The following MIB1 variants were observed in gnomAD, a reference collection of about 807,000 sequenced individuals.
MIB1 encodes E3 ubiquitin-protein ligase MIB1.
Under a neutral mutation model 124.5 loss-of-function variants are expected in MIB1, and 278 were observed. The observed-to-expected ratio is 2.23, with a 90% CI of 2.02 to 2.47. MIB1 has a LOEUF of 2.47. Among genes scored for constraint, MIB1 ranks in the 30% most tolerant of loss-of-function variants. The pLI, the probability that MIB1 is intolerant of heterozygous loss-of-function variation, is 0.00. For missense variants in MIB1, 957 were observed against 1,254.4 expected (o/e 0.76, Z 3.58); for synonymous variants, 446 against 429.4 (o/e 1.04, Z -0.48).
chr18:21,706,498 T>G (rs898154244), intron 1 of MIB1, among the ~76,000 whole-genome samples: 1 of 152,112 alleles, frequency 6.6e-6, no homozygotes, highest in African/African-American at 2.4e-5. Context: ...TCCCTCTGCT[T>G]GCAGGGAGGT....
intron 1 of MIB1, among the ~76,000 whole-genome samples, chr18:21,711,795 G>T (rs2040666919): frequency 6.6e-6 from 1 of 152,160 alleles, no homozygotes; most frequent in South Asian, 2.1e-4. Flanking sequence ...CCAGGCTCAA[G>T]TCATCCTCCT....
intron 1 of MIB1, among the ~76,000 whole-genome samples, chr18:21,708,836 A>G (rs1019139372): frequency 1.3e-5 from 2 of 152,182 alleles, no homozygotes; most frequent in African/African-American, 4.8e-5. Flanking sequence ...GTTACATTAC[A>G]AAAAGTGTGG....
chr18:21,844,143 A>C lies in MIB1; in HGVS notation c.2101A>C (p.Thr701Pro), dbSNP rs1320650111. Residue 701 changes from threonine to proline, a missense_variant, in exon 15 of 21, where the codon ACT becomes CCT. Physicochemically the swap from Thr to Pro is conservative, Grantham distance 38. Transcript: ENST00000261537. ...KLDIQDKDGD[T>P]PLHEALRHHT... The stretch of plus-strand genomic sequence containing the variant: ...TGATATTCAGGATAAGGATGGGGAT[A>C]CTCCTTTGCATGAAGCTCTAAGGCA... The C allele has an allele frequency of 2.5e-6, 4 of 1,613,654 alleles. No homozygotes were observed. The highest frequency in any genetic ancestry group is 1.3e-5 in the African/African-American group (1 of 74,794).
At chr18:21,841,205 A>T (rs2042085931) in intron 13 of MIB1, among the ~76,000 whole-genome samples, 1 of 152,160 alleles carries the variant, frequency 6.6e-6, no homozygotes, top group Non-Finnish European at 1.5e-5. Context: ...TTCTCTACTA[A>T]AAATGCAAAA....
At chr18:21,839,704 G>A (rs1407799316) in intron 13 of MIB1, among the ~76,000 whole-genome samples, 1 of 152,074 alleles carries the variant, frequency 6.6e-6, no homozygotes, top group Non-Finnish European at 1.5e-5. Flanking sequence ...GTCTCACTAT[G>A]TTGCCGAAGC....
Position 21,864,844 on chromosome 18 carries a change from G to A in MIB1, c.*178G>A. 2.3e-6 allele frequency: 1 copy of A among 426,742 alleles called. No individual in the cohort carries two copies. The highest frequency in any genetic ancestry group is 4.1e-6 in the Non-Finnish European group (1 of 245,458). The allele number at this position is 426,742 out of a possible 1,614,324, so 26.4% of individuals were successfully genotyped here. On this transcript the variant is annotated 3_prime_UTR_variant, in exon 21 of 21. Coordinates refer to ENST00000261537, the MANE Select transcript of MIB1 (RefSeq NM_020774.4). ...ACCCTACAAAATGGTGTTGGAAATTGTGTTTTTTGTTTTTGTTTTAAATTT... is the reference window on the plus strand; with the variant it reads ...ACCCTACAAAATGGTGTTGGAAATTATGTTTTTTGTTTTTGTTTTAAATTT...
intron 10 of MIB1, among the ~76,000 whole-genome samples, chr18:21,806,724 C>T (rs899446240): frequency 6.6e-6 from 1 of 151,392 alleles, no homozygotes; most frequent in South Asian, 2.1e-4. Flanking sequence ...CCCGGGTTCA[C>T]GCCATTCTCC....
At chr18:21,800,132 G>C (rs2041634713) in intron 9 of MIB1, among the ~76,000 whole-genome samples, 158 bp downstream of exon 9, 1 of 151,914 alleles carries the variant, frequency 6.6e-6, no homozygotes, top group African/African-American at 2.4e-5. Flanking sequence ...ACATTCTTCA[G>C]TGTGCATTTC....
chr18:21,750,743 C>T (rs752361539), intron 1 of MIB1, among the ~76,000 whole-genome samples: 6 of 152,186 alleles, frequency 3.9e-5, no homozygotes, highest in Non-Finnish European at 7.3e-5. Flanking sequence ...CGATTACAGG[C>T]GTGAGCCACT....
chr18:21,843,859 A>T (rs1222772279), intron 14 of MIB1, among the ~76,000 whole-genome samples: 1 of 152,186 alleles, frequency 6.6e-6, no homozygotes, highest in Non-Finnish European at 1.5e-5. Flanking sequence ...CAACATATTG[A>T]TTCTCATATA....
At chr18:21,732,975 A>T (rs1268284687) in intron 1 of MIB1, among the ~76,000 whole-genome samples, 1 of 152,164 alleles carries the variant, frequency 6.6e-6, no homozygotes, top group African/African-American at 2.4e-5. Context: ...TCCCTCCAGC[A>T]TCTCAAAAAA....
intron 1 of MIB1, among the ~76,000 whole-genome samples, chr18:21,728,363 G>T (rs2040752313): frequency 6.6e-6 from 1 of 152,006 alleles, no homozygotes; most frequent in South Asian, 2.1e-4. Context: ...CATGGTTGTG[G>T]GCACCTGTAA....
chr18:21,812,929 T>A (rs936418806), intron 10 of MIB1, among the ~76,000 whole-genome samples: 13 of 152,210 alleles, frequency 8.5e-5, no homozygotes, highest in Non-Finnish European at 1.8e-4. Flanking sequence ...GTTAAGATTT[T>A]ATTATAACTG....
intron 8 of MIB1, among the ~76,000 whole-genome samples, chr18:21,798,659 C>G (rs1190680408): frequency 6.6e-6 from 1 of 151,378 alleles, no homozygotes; most frequent in Non-Finnish European, 1.5e-5. Flanking sequence ...TTTTACATAT[C>G]AGTTATTTTT....
At chr18:21,792,257 T>A (rs2041513593) in intron 7 of MIB1, among the ~76,000 whole-genome samples, 1 of 152,238 alleles carries the variant, frequency 6.6e-6, no homozygotes, top group East Asian at 1.9e-4. Context: ...TCATCCAGCC[T>A]CTCAGTTCCT....
At chr18:21,775,181 G>A (rs1404977226) in intron 4 of MIB1, among the ~76,000 whole-genome samples, 5 of 151,814 alleles carry the variant, frequency 3.3e-5, no homozygotes, top group African/African-American at 1.2e-4. Flanking sequence ...TCCTGACCTC[G>A]TGATCCACCT....
rs2042321493 is a variant in MIB1, at chr18:21,866,376, TCA to T, written c.*1711_*1712del. ...TTCAAATTTGAAAATTCATGTACAC[TCA>T]GTTATCTAATAAGGGGCCACCGACG... On this transcript the variant is annotated 3_prime_UTR_variant, in exon 21 of 21. Coordinates refer to ENST00000261537, the MANE Select transcript of MIB1 (RefSeq NM_020774.4). 1 of 152,202 alleles carries T rather than the reference TCA, an allele frequency of 6.6e-6. No homozygotes were observed. The highest frequency in any genetic ancestry group is 1.5e-5 in the Non-Finnish European group (1 of 68,044). 9.4% of individuals were successfully genotyped at this position (152,202 alleles called of 1,614,324 possible).
intron 15 of MIB1, among the ~76,000 whole-genome samples, chr18:21,846,275 G>A (rs2042133746): frequency 6.6e-6 from 1 of 152,064 alleles, no homozygotes; most frequent in African/African-American, 2.4e-5. Context: ...AGCTCGGTGT[G>A]CCTCTTTTTT....
intron 12 of MIB1, chr18:21,829,494 A>T (rs970839662): frequency 3.9e-5 from 6 of 151,946 alleles, no homozygotes; most frequent in African/African-American, 1.5e-4. Context: ...TTTTTTTTTT[A>T]CAAACTAGAT....
Sources: allele counts gnomAD v4.1 joint callset (sites outside exome capture counted in the v4.1 genomes callset), GRCh38; gene constraint gnomAD v4.1.1; transcripts MANE v1.5; gene names NCBI Gene and HGNC (gene_info 2026-07-23, HGNC 2026-07-21).